The following PAPPA2 variants were observed in gnomAD, a reference collection of about 807,000 sequenced individuals.
The protein encoded by PAPPA2 is pappalysin 2, also known as pappalysin-2.
PAPPA2 carries 86 observed loss-of-function variants against 176.4 expected under a neutral mutation model. The ratio of observed to expected loss-of-function variants is 0.49; its 90% CI spans 0.41 to 0.58. The LOEUF is 0.58. Among genes scored for constraint, PAPPA2 ranks in the 20% least tolerant of loss-of-function variants. The pLI is 0.00. For synonymous variants in PAPPA2, 809 were observed against 852.2 expected, an observed-to-expected ratio of 0.95 and a Z score of 0.88; for missense variants, 2,073 against 2,256.9, an observed-to-expected ratio of 0.92 and a Z score of 1.65.
intron 15 of PAPPA2, among the ~76,000 whole-genome samples, chr1:176,767,736 GA>G (rs1029727514): frequency 6.6e-6 from 1 of 152,178 alleles, no homozygotes; most frequent in Non-Finnish European, 1.5e-5. Flanking sequence ...TGGGCTGGGA[GA>G]AGGGTGGGAG....
At chr1:176,777,178 T>G (rs188848030) in intron 17 of PAPPA2, among the ~76,000 whole-genome samples, 1 of 152,282 alleles carries the variant, frequency 6.6e-6, no homozygotes, top group East Asian at 1.9e-4. Context: ...AGCAACACTT[T>G]GGTAAAACAT....
intron 1 of PAPPA2, among the ~76,000 whole-genome samples, chr1:176,518,160 A>G (rs1008962665): frequency 1.3e-4 from 20 of 152,252 alleles, no homozygotes; most frequent in Non-Finnish European, 1.0e-4. Flanking sequence ...TTCATGTACT[A>G]CTTCTTTCTA....
intron 1 of PAPPA2, among the ~76,000 whole-genome samples, chr1:176,463,838 C>T (rs1390289675): frequency 1.3e-5 from 2 of 152,096 alleles, no homozygotes; most frequent in Admixed American, 6.6e-5. Flanking sequence ...GACACCTTCT[C>T]ATGTTCAGTG....
At chr1:176,744,710 T>C (rs932323608) in intron 14 of PAPPA2, among the ~76,000 whole-genome samples, 3 of 152,136 alleles carry the variant, frequency 2.0e-5, no homozygotes, top group Non-Finnish European at 2.9e-5. Flanking sequence ...GAATGATCTG[T>C]TTTTTTCTTT....
At position 176,699,385 on chromosome 1, in the gene PAPPA2, T is replaced by C. The variant is rs1558527929; in HGVS notation, c.3032T>C (p.Leu1011Pro). 7 of 1,614,114 alleles carry C rather than the reference T, an allele frequency of 4.3e-6. No individual in the cohort carries two copies. Among genetic ancestry groups the C allele is most frequent in the Non-Finnish European group, 5.9e-6 (7 of 1,180,002 alleles). Reference sequence around the variant, plus strand: ...TGTGACATCCCACTCACCATCAAACTGCACGTGGATGGGAAGGTGTCGGGG... The same window carrying C: ...TGTGACATCCCACTCACCATCAAACCGCACGTGGATGGGAAGGTGTCGGGG... The part of the protein sequence containing the change: ...TFCDIPLTIK[L>P]HVDGKVSGVK... The change falls in exon 8 of 23, where the codon CTG becomes CCG. Residue 1011 changes from leucine to proline, a missense_variant. Physicochemically the swap from Leu to Pro is moderately conservative, Grantham distance 98 (BLOSUM62 -3). Transcript: ENST00000367662.
rs559492889 is a variant in PAPPA2, at chr1:176,671,617, A to C, written c.2137+502A>C. On this transcript the variant is annotated intron_variant, in intron 4 of 22. Transcript: ENST00000367662. ...ACAAAGTGCAACTACTGAACACTTA[A>C]GAAAGACAATCCTATTCACAATAGC... Among the ~76,000 whole-genome samples the C allele has an allele frequency of 2.7e-3, 418 of 152,274 alleles. 1 individual carries two copies. Among genetic ancestry groups the C allele is most frequent in the Middle Eastern group, 6.8e-3 (2 of 294 alleles).
chr1:176,727,921 T>C (rs79939675), intron 12 of PAPPA2, among the ~76,000 whole-genome samples: 357 of 151,910 alleles, frequency 2.4e-3, no homozygotes, highest in African/African-American at 8.1e-3. Context: ...CCAAAGAAGA[T>C]TGTATGGAGG....
intron 4 of PAPPA2, among the ~76,000 whole-genome samples, chr1:176,688,220 A>C (rs2102801680): frequency 6.6e-6 from 1 of 152,344 alleles, no homozygotes; most frequent in African/African-American, 2.4e-5. Context: ...ACAGAGTAGA[A>C]GTGTGGTGGA....
chr1:176,590,130 C>T (rs961518371), intron 2 of PAPPA2, among the ~76,000 whole-genome samples: 2 of 152,172 alleles, frequency 1.3e-5, no homozygotes, highest in Admixed American at 1.3e-4. Flanking sequence ...AGAGTATAGG[C>T]AATATTTACC....
chr1:176,837,743 T>TA (rs139566846), intron 21 of PAPPA2, among the ~76,000 whole-genome samples: 10,441 of 152,294 alleles, frequency 0.069, 452 homozygotes, highest in South Asian at 0.14. Context: ...GTTAGAGTGA[T>TA]ATCCTAAGAC....
At chr1:176,731,607 C>T (rs544832713) in intron 12 of PAPPA2, among the ~76,000 whole-genome samples, 5 of 151,574 alleles carry the variant, frequency 3.3e-5, no homozygotes, top group South Asian at 2.1e-4. Flanking sequence ...CCACCATGCC[C>T]GGCATAATGT....
At chr1:176,707,582 C>T (rs2102829524) in intron 10 of PAPPA2, among the ~76,000 whole-genome samples, 1 of 152,242 alleles carries the variant, frequency 6.6e-6, no homozygotes, top group South Asian at 2.1e-4. Flanking sequence ...TAAATCTAGC[C>T]ATGAAGAATG....
At chr1:176,476,540 G>T (rs1170117813) in intron 1 of PAPPA2, among the ~76,000 whole-genome samples, 1 of 152,178 alleles carries the variant, frequency 6.6e-6, no homozygotes, top group Non-Finnish European at 1.5e-5. Context: ...TCAGTAGCAG[G>T]AGAGTATAAA....
chr1:176,829,798 G>C (rs1208514338), intron 21 of PAPPA2, among the ~76,000 whole-genome samples: 1 of 152,208 alleles, frequency 6.6e-6, no homozygotes, highest in Non-Finnish European at 1.5e-5. Context: ...TTGTGCAGCA[G>C]CTGGCCAAGG....
intron 2 of PAPPA2, among the ~76,000 whole-genome samples, chr1:176,571,532 A>T (rs1470713524): frequency 7.2e-5 from 11 of 152,178 alleles, no homozygotes. Context: ...TTCTGTGAAG[A>T]TGTGATGTCA....
At chr1:176,799,306 T>C (rs1462034920) in intron 20 of PAPPA2, among the ~76,000 whole-genome samples, 1 of 152,246 alleles carries the variant, frequency 6.6e-6, no homozygotes, top group Non-Finnish European at 1.5e-5. Flanking sequence ...TGAGTTATTA[T>C]TATTTAACAA....
intron 7 of PAPPA2, among the ~76,000 whole-genome samples, chr1:176,696,306 G>A (rs1180940796): frequency 2.0e-5 from 3 of 149,840 alleles, no homozygotes; most frequent in East Asian, 2.0e-4. Flanking sequence ...GAGCAAGTCT[G>A]GGTGGGGGTG....
chr1:176,783,237 T>C (rs1264345415), intron 17 of PAPPA2, among the ~76,000 whole-genome samples: 1 of 152,252 alleles, frequency 6.6e-6, no homozygotes, highest in Non-Finnish European at 1.5e-5. Flanking sequence ...CTATGTGTTA[T>C]TGTTTTTCTG....
At chr1:176,662,469 C>G (rs1050734351) in intron 3 of PAPPA2, among the ~76,000 whole-genome samples, 5 of 151,934 alleles carry the variant, frequency 3.3e-5, no homozygotes, top group African/African-American at 1.2e-4. Flanking sequence ...CTTTTCCCTT[C>G]TGTATCATTA....
Sources: allele counts gnomAD v4.1 joint callset (sites outside exome capture counted in the v4.1 genomes callset), GRCh38; gene constraint gnomAD v4.1.1; transcripts MANE v1.5; gene names NCBI Gene and HGNC (gene_info 2026-07-23, HGNC 2026-07-21).